GRM8: variants seen among roughly 807,000 people sequenced by gnomAD.
The protein encoded by GRM8 is glutamate metabotropic receptor 8, also known as metabotropic glutamate receptor 8.
A neutral mutation model predicts 87.2 loss-of-function variants in GRM8; 47 were observed. The observed-to-expected ratio is 0.54, with a 90% CI of 0.43 to 0.69. The LOEUF is 0.69. Among genes scored for constraint, GRM8 ranks in the 30% least tolerant of loss-of-function variants. GRM8 has a pLI of 0.00. For missense variants in GRM8, 1,019 were observed against 1,139.2 expected, an observed-to-expected ratio of 0.89 and a Z score of 1.52; for synonymous variants, 396 against 404.5, an observed-to-expected ratio of 0.98 and a Z score of 0.25.
intron 9 of GRM8, among the ~76,000 whole-genome samples, chr7:126,510,105 C>A (rs1161450304): frequency 6.6e-6 from 1 of 151,996 alleles, no homozygotes; most frequent in Non-Finnish European, 1.5e-5. Context: ...GTATTCCCAA[C>A]ATGATCACAA....
chr7:126,820,983 C>T (rs1466620866), intron 6 of GRM8, among the ~76,000 whole-genome samples: 1 of 152,164 alleles, frequency 6.6e-6, no homozygotes, highest in Non-Finnish European at 1.5e-5. Flanking sequence ...CACCTGTAGT[C>T]CCAACTACCT....
At chr7:126,755,716 C>T (rs1816930431) in intron 7 of GRM8, among the ~76,000 whole-genome samples, 1 of 150,238 alleles carries the variant, frequency 6.7e-6, no homozygotes, top group Non-Finnish European at 1.5e-5. Context: ...TTTGGAACTA[C>T]CCTAGAGAAT....
intron 1 of GRM8, among the ~76,000 whole-genome samples, chr7:127,247,643 G>C (rs1268298258): frequency 6.6e-6 from 1 of 152,068 alleles, no homozygotes; most frequent in Non-Finnish European, 1.5e-5. Context: ...CAGACGCTTG[G>C]AATCGGATCT....
intron 8 of GRM8, among the ~76,000 whole-genome samples, chr7:126,573,037 G>A (rs536562783): frequency 7.2e-5 from 11 of 152,236 alleles, no homozygotes; most frequent in African/African-American, 2.4e-4. Context: ...AGAACGTTAA[G>A]CGATAGACTG....
intron 2 of GRM8, among the ~76,000 whole-genome samples, chr7:127,203,197 G>A (rs1041815029): frequency 3.3e-5 from 5 of 152,112 alleles, no homozygotes; most frequent in African/African-American, 9.7e-5. Flanking sequence ...ATAGCAAATC[G>A]TTAGGAAACC....
At chr7:126,663,201 T>G (rs1242548139) in intron 7 of GRM8, among the ~76,000 whole-genome samples, 1 of 152,146 alleles carries the variant, frequency 6.6e-6, no homozygotes, top group African/African-American at 2.4e-5. Flanking sequence ...ATGGCCAAAT[T>G]CCACCAGATA....
chr7:126,785,083 C>T (rs1019207885), intron 6 of GRM8, among the ~76,000 whole-genome samples: 1 of 152,112 alleles, frequency 6.6e-6, no homozygotes, highest in African/African-American at 2.4e-5. Flanking sequence ...TACTCACAGG[C>T]ATGATCATAG....
At chr7:126,979,624 C>A (rs1229403120) in intron 3 of GRM8, among the ~76,000 whole-genome samples, 1 of 152,092 alleles carries the variant, frequency 6.6e-6, no homozygotes, top group Non-Finnish European at 1.5e-5. Context: ...TCTATGAAAG[C>A]CTCTAGTTCT....
intron 2 of GRM8, among the ~76,000 whole-genome samples, chr7:127,120,361 A>G (rs571358009): frequency 6.6e-6 from 1 of 152,214 alleles, no homozygotes; most frequent in Non-Finnish European, 1.5e-5. Flanking sequence ...TCATGTTGCA[A>G]AAGATAAATT....
intron 7 of GRM8, among the ~76,000 whole-genome samples, chr7:126,753,423 C>T (rs10238925): frequency 0.39 from 58,771 of 150,928 alleles, 12,601 homozygotes; most frequent in Non-Finnish European, 0.48. Flanking sequence ...CACGTATATA[C>T]GTATATATAC....
At chr7:127,198,344 A>C (rs1347382221) in intron 2 of GRM8, among the ~76,000 whole-genome samples, 1 of 152,218 alleles carries the variant, frequency 6.6e-6, no homozygotes, top group African/African-American at 2.4e-5. Context: ...CACCACGAAC[A>C]CAGATATGTA....
intron 6 of GRM8, among the ~76,000 whole-genome samples, chr7:126,799,915 C>T (rs1218298271): frequency 2.0e-5 from 3 of 152,074 alleles, no homozygotes; most frequent in Non-Finnish European, 4.4e-5. Flanking sequence ...CAGCACAAAA[C>T]TTCAGAATCC....
At chr7:126,978,978 T>C (rs1811273500) in intron 3 of GRM8, among the ~76,000 whole-genome samples, 1 of 152,216 alleles carries the variant, frequency 6.6e-6, no homozygotes, top group Admixed American at 6.5e-5. Context: ...CAGCACACTT[T>C]ATCTTGCTAA....
chr7:126,573,590 ATT>A (rs3216283), intron 8 of GRM8, among the ~76,000 whole-genome samples: 55 of 148,330 alleles, frequency 3.7e-4, no homozygotes, highest in African/African-American at 9.4e-4. Context: ...TTATTTTTTA[ATT>A]TTTTTTTTTT....
chr7:127,011,303 C>A (rs1394926263), intron 3 of GRM8, among the ~76,000 whole-genome samples: 1 of 152,144 alleles, frequency 6.6e-6, no homozygotes, highest in East Asian at 1.9e-4. Flanking sequence ...AATAAACTCA[C>A]TGTGGTAACT....
chr7:127,129,926 A>G (rs1254699481), intron 2 of GRM8, among the ~76,000 whole-genome samples: 1 of 152,124 alleles, frequency 6.6e-6, no homozygotes, highest in African/African-American at 2.4e-5. Context: ...CTATGTCCCC[A>G]CCCAAATCTC....
chr7:127,049,497 A>G (rs1409201897), intron 3 of GRM8, among the ~76,000 whole-genome samples: 1 of 152,220 alleles, frequency 6.6e-6, no homozygotes, highest in Non-Finnish European at 1.5e-5. Context: ...AAATGCAGTC[A>G]ATAATTTATA....
chr7:126,533,029 ATCC>A lies in GRM8; in HGVS notation c.2350_2352del (p.Gly784del). ...ATGATGCAGGTGGTATACATGGTAA[ATCC>A]AATAGGTTTGGCTTCATTGAAAGTC... On this transcript the variant is annotated inframe_deletion, in exon 9 of 11. Coordinates refer to ENST00000339582, the MANE Select transcript of GRM8 (RefSeq NM_000845.3). 6 of 1,613,668 alleles carry A rather than the reference ATCC, an allele frequency of 3.7e-6. No individual in the cohort carries two copies. The highest frequency in any genetic ancestry group is 5.1e-6 in the Non-Finnish European group (6 of 1,179,852).
intron 3 of GRM8, among the ~76,000 whole-genome samples, chr7:126,948,089 G>T (rs147077891): frequency 6.6e-6 from 1 of 152,116 alleles, no homozygotes; most frequent in African/African-American, 2.4e-5. Context: ...TAGGCGCTAG[G>T]GATGCACAGT....
Sources: allele counts gnomAD v4.1 joint callset (sites outside exome capture counted in the v4.1 genomes callset), GRCh38; gene constraint gnomAD v4.1.1; transcripts MANE v1.5; gene names NCBI Gene and HGNC (gene_info 2026-07-23, HGNC 2026-07-21).